ZNF704: variants seen among roughly 807,000 people sequenced by gnomAD.
ZNF704 encodes zinc finger protein 704.
ZNF704 carries 10 observed loss-of-function variants against 44.7 expected under a neutral mutation model. That is an observed-to-expected ratio of 0.22 (90% CI 0.14 to 0.38). The LOEUF (loss-of-function observed/expected upper bound fraction) is 0.38. Ranked by LOEUF, ZNF704 falls within the 10% of genes least tolerant of loss-of-function variation. The pLI is 1.00. For synonymous variants in ZNF704, 211 were observed against 207.6 expected, an observed-to-expected ratio of 1.02 and a Z score of -0.14; for missense variants, 390 against 545.5, an observed-to-expected ratio of 0.71 and a Z score of 2.84.
intron 2 of ZNF704, among the ~76,000 whole-genome samples, 198 bp downstream of exon 2, chr8:80,821,175 TC>T (rs1808262976): frequency 6.6e-6 from 1 of 152,230 alleles, no homozygotes; most frequent in African/African-American, 2.4e-5. Context: ...CTACAATAGT[TC>T]CAACTACAGC....
chr8:80,681,456 A>G (rs1395071711), intron 4 of ZNF704, among the ~76,000 whole-genome samples: 1 of 152,084 alleles, frequency 6.6e-6, no homozygotes, highest in Non-Finnish European at 1.5e-5. Flanking sequence ...ATAGTGATGA[A>G]AGTTATACCA....
intron 2 of ZNF704, among the ~76,000 whole-genome samples, chr8:80,745,310 C>A (rs1434693758): frequency 6.6e-6 from 1 of 152,102 alleles, no homozygotes; most frequent in Non-Finnish European, 1.5e-5. Context: ...GCAATGTTAT[C>A]GTTGGCTATA....
chr8:80,777,947 T>C (rs905386581), intron 2 of ZNF704, among the ~76,000 whole-genome samples: 2 of 151,364 alleles, frequency 1.3e-5, no homozygotes, highest in South Asian at 4.2e-4. Context: ...AATATTTCAA[T>C]ATATCGCTCT....
At chr8:80,679,169 C>T (rs1202024759) in intron 4 of ZNF704, among the ~76,000 whole-genome samples, 3 of 152,134 alleles carry the variant, frequency 2.0e-5, no homozygotes, top group African/African-American at 7.2e-5. Context: ...GCACCACCCC[C>T]TACTGATTTC....
chr8:80,868,306 T>C (rs552875590), intron 1 of ZNF704, among the ~76,000 whole-genome samples: 1 of 152,312 alleles, frequency 6.6e-6, no homozygotes, highest in South Asian at 2.1e-4. Context: ...TTGAAAACCA[T>C]GTAATACAAA....
chr8:80,863,889 A>G (rs1180856857), intron 1 of ZNF704, among the ~76,000 whole-genome samples: 4 of 152,180 alleles, frequency 2.6e-5, no homozygotes, highest in Non-Finnish European at 5.9e-5. Flanking sequence ...TGTAAAAAAC[A>G]TTATTAAATA....
intron 2 of ZNF704, among the ~76,000 whole-genome samples, chr8:80,745,051 T>C (rs991282564): frequency 1.3e-5 from 2 of 152,186 alleles, no homozygotes; most frequent in Non-Finnish European, 2.9e-5. Context: ...TTTTAAAATG[T>C]TTAAGTTTAG....
intron 2 of ZNF704, among the ~76,000 whole-genome samples, chr8:80,740,525 T>C (rs1456359027): frequency 6.6e-6 from 1 of 152,122 alleles, no homozygotes; most frequent in Non-Finnish European, 1.5e-5. Flanking sequence ...AATACTCCAA[T>C]TTTAGGAGTA....
chr8:80,864,659 A>G (rs1287163392), intron 1 of ZNF704, among the ~76,000 whole-genome samples: 2 of 152,126 alleles, frequency 1.3e-5, no homozygotes, highest in Non-Finnish European at 2.9e-5. Context: ...ACTTTGGGCC[A>G]CCCATTTCCA....
At chr8:80,751,007 C>T (rs1806933517) in intron 2 of ZNF704, among the ~76,000 whole-genome samples, 1 of 152,316 alleles carries the variant, frequency 6.6e-6, no homozygotes, top group South Asian at 2.1e-4. Flanking sequence ...GAACGAATCA[C>T]TCTAATAATT....
intron 2 of ZNF704, among the ~76,000 whole-genome samples, chr8:80,797,076 G>A (rs1252486248): frequency 1.3e-5 from 2 of 149,796 alleles, no homozygotes; most frequent in East Asian, 3.9e-4. Context: ...TGAAGCCCAA[G>A]AGGGTAAACA....
intron 1 of ZNF704, among the ~76,000 whole-genome samples, chr8:80,827,595 A>G (rs1808399953): frequency 6.6e-6 from 1 of 152,220 alleles, no homozygotes; most frequent in Non-Finnish European, 1.5e-5. Context: ...TGGAACCAAA[A>G]AAGAGCCCAC....
chr8:80,807,271 C>G (rs984684069), intron 2 of ZNF704, among the ~76,000 whole-genome samples: 2 of 152,114 alleles, frequency 1.3e-5, no homozygotes, highest in African/African-American at 4.8e-5. Context: ...AGGAGATAAA[C>G]CTGCCTCTGG....
chr8:80,660,197 G>A (rs149590787), intron 6 of ZNF704, among the ~76,000 whole-genome samples: 1 of 152,134 alleles, frequency 6.6e-6, no homozygotes, highest in Non-Finnish European at 1.5e-5. Flanking sequence ...TTGGGGCTGG[G>A]CGTGGTGGCT....
At chr8:80,645,064 A>G (rs891665495) in intron 7 of ZNF704, 84 of 1,436,770 alleles carry the variant, frequency 5.8e-5, no homozygotes, top group Non-Finnish European at 7.7e-5. Context: ...TCAGACATCA[A>G]ATGGGTTTTA....
At chr8:80,677,696 T>C (rs1307238073) in intron 4 of ZNF704, among the ~76,000 whole-genome samples, 1 of 152,188 alleles carries the variant, frequency 6.6e-6, no homozygotes, top group Non-Finnish European at 1.5e-5. Flanking sequence ...ACTTTGGGGA[T>C]AGACTATATT....
At chr8:80,770,288 C>T (rs1448661358) in intron 2 of ZNF704, among the ~76,000 whole-genome samples, 3 of 152,154 alleles carry the variant, frequency 2.0e-5, no homozygotes, top group Admixed American at 2.0e-4. Flanking sequence ...ATGAGGATTC[C>T]TCACGATGTC....
intron 2 of ZNF704, among the ~76,000 whole-genome samples, chr8:80,781,450 C>T (rs984589973): frequency 6.6e-6 from 1 of 152,158 alleles, no homozygotes; most frequent in Non-Finnish European, 1.5e-5. Flanking sequence ...ATTTTCACGT[C>T]ATGAAATATT....
chr8:80,707,338 T>C (rs1287228553), intron 2 of ZNF704, among the ~76,000 whole-genome samples: 1 of 152,246 alleles, frequency 6.6e-6, no homozygotes, highest in Non-Finnish European at 1.5e-5. Context: ...GAAAAGTATT[T>C]CCTTTATAAT....
Sources: allele counts gnomAD v4.1 joint callset (sites outside exome capture counted in the v4.1 genomes callset), GRCh38; gene constraint gnomAD v4.1.1; transcripts MANE v1.5; gene names NCBI Gene and HGNC (gene_info 2026-07-23, HGNC 2026-07-21).